ANKS1B: variants seen among roughly 807,000 people sequenced by gnomAD.
ANKS1B encodes ankyrin repeat and sterile alpha motif domain containing 1B.
A neutral mutation model predicts 148.3 loss-of-function variants in ANKS1B; 36 were observed. The observed-to-expected ratio is 0.24, with a 90% CI of 0.19 to 0.32. ANKS1B has a LOEUF of 0.32. ANKS1B is among the 10% of genes least tolerant of loss of function. ANKS1B has a pLI of 1.00. For missense variants in ANKS1B, 1,157 were observed against 1,542.6 expected, an observed-to-expected ratio of 0.75 and a Z score of 4.19; for synonymous variants, 542 against 560.8, an observed-to-expected ratio of 0.97 and a Z score of 0.47.
intron 25 of ANKS1B, among the ~76,000 whole-genome samples, chr12:98,756,011 T>C (rs1398829641): frequency 6.6e-6 from 1 of 152,190 alleles, no homozygotes; most frequent in Non-Finnish European, 1.5e-5. Flanking sequence ...AGTTTCCTCC[T>C]GGGCCTCTAG....
intron 12 of ANKS1B, among the ~76,000 whole-genome samples, chr12:99,349,786 A>G (rs1373019470): frequency 2.6e-5 from 4 of 152,052 alleles, no homozygotes; most frequent in East Asian, 1.9e-4. Context: ...CAGAAGGTCA[A>G]TAAGAAAATA....
rs574271185 is a variant in ANKS1B at position 99,378,819 on chromosome 12, G to GT, written c.1756+20811dup. 2.0e-4 allele frequency among the ~76,000 whole-genome samples: 31 copies of GT among 152,274 alleles called. No individual in the cohort carries two copies. In the East Asian group the frequency reaches 5.6e-3, roughly 27 times the overall value. On this transcript the variant is annotated intron_variant, in intron 12 of 26. Transcript: ENST00000683438. Reference sequence around the variant, plus strand: ...ATAAAGAAAAGATTACTCAAAGAAAGTAAGACTCCAGAGGGCAGAGCCAAA... The same window carrying GT: ...ATAAAGAAAAGATTACTCAAAGAAAGTTAAGACTCCAGAGGGCAGAGCCAAA...
chr12:98,999,152 C>A (rs148155010), intron 17 of ANKS1B, among the ~76,000 whole-genome samples: 1 of 152,282 alleles, frequency 6.6e-6, no homozygotes, highest in South Asian at 2.1e-4. Context: ...TGAGATACAC[C>A]GTGCAACTGG....
At chr12:99,139,215 C>T (rs1255572563) in intron 15 of ANKS1B, among the ~76,000 whole-genome samples, 1 of 145,106 alleles carries the variant, frequency 6.9e-6, no homozygotes, top group Non-Finnish European at 1.5e-5. Context: ...TCCTTCCTTC[C>T]TTCTCTTTCT....
intron 1 of ANKS1B, among the ~76,000 whole-genome samples, chr12:99,936,571 A>G (rs2094776932): frequency 6.6e-6 from 1 of 152,200 alleles, no homozygotes; most frequent in Non-Finnish European, 1.5e-5. Context: ...CTCATTTATT[A>G]TAAGGCCTAT....
chr12:99,857,174 A>G (rs1603360092), intron 1 of ANKS1B, among the ~76,000 whole-genome samples: 2 of 152,298 alleles, frequency 1.3e-5, no homozygotes, highest in Admixed American at 1.3e-4. Context: ...TGGTAAATGA[A>G]TTCAGCAAAG....
In ANKS1B at chr12:99,819,366, A is replaced by G. The variant is rs148465198; in HGVS notation, c.215+5943T>C. On this transcript the variant is annotated intron_variant, in intron 2 of 26. Coordinates refer to ENST00000683438, the MANE Select transcript of ANKS1B (RefSeq NM_001352186.2). ...TGACTAAAGATGTTTCTAGTTATTC[A>G]AAGAGCAACTTCAGAGACCAGATTA... Among the ~76,000 whole-genome samples, 404 of 151,976 alleles carry G rather than the reference A, an allele frequency of 2.7e-3. 1 individual carries two copies. The highest frequency in any genetic ancestry group is 8.7e-3 in the African/African-American group (362 of 41,546).
At chr12:99,219,158 G>C (rs115197680) in intron 14 of ANKS1B, among the ~76,000 whole-genome samples, 1,860 of 152,200 alleles carry the variant, frequency 0.012, 44 homozygotes, top group African/African-American at 0.041. Flanking sequence ...GTTCCGCCCA[G>C]CTTGACTAAA....
chr12:98,823,256 A>C (rs1330863126), intron 19 of ANKS1B, among the ~76,000 whole-genome samples: 1 of 152,148 alleles, frequency 6.6e-6, no homozygotes, highest in Admixed American at 6.5e-5. Flanking sequence ...GAGCTTATTG[A>C]GTGCACTCTT....
chr12:99,250,355 A>G (rs1000432431), intron 12 of ANKS1B, among the ~76,000 whole-genome samples: 7 of 152,214 alleles, frequency 4.6e-5, no homozygotes, highest in African/African-American at 7.2e-5. Context: ...GCTGTTTACT[A>G]TCTCTAGGAA....
intron 12 of ANKS1B, among the ~76,000 whole-genome samples, chr12:99,368,465 G>A (rs923900594): frequency 6.6e-6 from 1 of 151,852 alleles, no homozygotes; most frequent in East Asian, 1.9e-4. Flanking sequence ...TATATGCTAG[G>A]ATAAAACAAA....
intron 6 of ANKS1B, among the ~76,000 whole-genome samples, chr12:99,776,683 G>GTGGT (rs778652815): frequency 1.7e-5 from 2 of 118,002 alleles, no homozygotes; most frequent in Admixed American, 9.2e-5. Flanking sequence ...TTTCTTTTTG[G>GTGGT]TTGTTTGTTT....
intron 25 of ANKS1B, among the ~76,000 whole-genome samples, chr12:98,769,781 T>A (rs2098543630): frequency 6.6e-6 from 1 of 152,300 alleles, no homozygotes; most frequent in African/African-American, 2.4e-5. Flanking sequence ...AAACCAATTT[T>A]ATTGAAAGAA....
At chr12:99,423,868 A>G (rs374624254) in intron 11 of ANKS1B, among the ~76,000 whole-genome samples, 16 of 152,154 alleles carry the variant, frequency 1.1e-4, no homozygotes, top group African/African-American at 3.6e-4. Flanking sequence ...GGAGAGGATC[A>G]GGAAAAATAG....
chr12:99,699,028 T>C (rs1034946701), intron 8 of ANKS1B, among the ~76,000 whole-genome samples: 2 of 152,088 alleles, frequency 1.3e-5, no homozygotes, highest in African/African-American at 4.8e-5. Flanking sequence ...CTCTAACAGA[T>C]TTTCTTATTT....
At chr12:99,829,394 T>A (rs1291130128) in intron 1 of ANKS1B, among the ~76,000 whole-genome samples, 1 of 152,104 alleles carries the variant, frequency 6.6e-6, no homozygotes, top group African/African-American at 2.4e-5. Context: ...CTCACACCTG[T>A]AATCTCAGCA....
chr12:99,929,056 A>C (rs565988491), intron 1 of ANKS1B, among the ~76,000 whole-genome samples: 1 of 152,346 alleles, frequency 6.6e-6, no homozygotes, highest in East Asian at 1.9e-4. Context: ...ATACAATTGC[A>C]GGAAATATTA....
At chr12:99,378,652 C>CA (rs140892353) in intron 12 of ANKS1B, among the ~76,000 whole-genome samples, 1,270 of 90,324 alleles carry the variant, frequency 0.014, 19 homozygotes, top group Non-Finnish European at 0.018. Flanking sequence ...GACTCCATCT[C>CA]AAAAAAAAAA....
At position 99,984,550 on chromosome 12, in the gene ANKS1B, G is replaced by A. The variant is rs2095752495; in HGVS notation, c.-313C>T. On this transcript the variant is annotated 5_prime_UTR_variant, in exon 1 of 27. Transcript: ENST00000683438. ...CCCGCGGGTGCGGCGTGAGGGGGTGGGGACTCGGGGGTGCTTTTGAGGAGC... is the reference window on the plus strand; with the variant it reads ...CCCGCGGGTGCGGCGTGAGGGGGTGAGGACTCGGGGGTGCTTTTGAGGAGC... The A allele has an allele frequency of 7.3e-6, 2 of 273,760 alleles. No homozygotes were observed. The highest frequency in any genetic ancestry group is 1.4e-5 in the Non-Finnish European group (2 of 142,342). 17.0% of individuals were successfully genotyped at this position (273,760 alleles called of 1,614,324 possible). A position where few individuals can be genotyped will look rare whatever the true frequency, so the allele number is the denominator to read the frequency against.
Sources: gnomAD v4.1 joint callset for allele counts (sites outside exome capture counted in the v4.1 genomes callset) on GRCh38, gnomAD v4.1.1 for gene constraint, MANE v1.5 for transcripts, NCBI Gene and HGNC (gene_info 2026-07-23, HGNC 2026-07-21) for gene names.